The following TBC1D14 variants were observed in gnomAD, a reference collection of about 807,000 sequenced individuals.
TBC1D14 encodes TBC1 domain family, member 14.
A neutral mutation model predicts 79.0 loss-of-function variants in TBC1D14; 26 were observed. That is an observed-to-expected ratio of 0.33 (90% CI 0.24 to 0.46). The LOEUF is 0.46. Ranked by LOEUF, TBC1D14 falls within the 20% of genes least tolerant of loss-of-function variation. TBC1D14 has a pLI of 1.00. For synonymous variants in TBC1D14, 394 were observed against 349.9 expected (o/e 1.13, Z -1.40); for missense variants, 769 against 887.6 (o/e 0.87, Z 1.70).
intron 9 of TBC1D14, among the ~76,000 whole-genome samples, chr4:7,009,395 A>G (rs73090546): frequency 4.8e-4 from 73 of 152,328 alleles, no homozygotes; most frequent in African/African-American, 1.6e-3. Flanking sequence ...GACTTAGAAG[A>G]GTGTATTTCC....
chr4:6,956,902 C>A (rs1212051195), intron 2 of TBC1D14, among the ~76,000 whole-genome samples: 1 of 152,226 alleles, frequency 6.6e-6, no homozygotes, highest in East Asian at 1.9e-4. Context: ...AAGGTGGCCC[C>A]GGGAGTGGGA....
At chr4:6,979,522 G>A (rs1347894961) in intron 3 of TBC1D14, among the ~76,000 whole-genome samples, 1 of 152,132 alleles carries the variant, frequency 6.6e-6, no homozygotes, top group East Asian at 1.9e-4. Flanking sequence ...TCAAGAGACT[G>A]AGGCAGGAGG....
At chr4:7,009,206 CT>C (rs1489544765) in intron 9 of TBC1D14, among the ~76,000 whole-genome samples, 2 of 152,282 alleles carry the variant, frequency 1.3e-5, no homozygotes, top group Non-Finnish European at 2.9e-5. Flanking sequence ...TGAACCTGTC[CT>C]TTTGTTGTAT....
intron 2 of TBC1D14, among the ~76,000 whole-genome samples, chr4:6,935,897 G>C (rs1298846322): frequency 2.0e-5 from 3 of 152,128 alleles, no homozygotes; most frequent in African/African-American, 7.2e-5. Context: ...ACCCACCTCG[G>C]CCTCCCAAAG....
intron 2 of TBC1D14, among the ~76,000 whole-genome samples, chr4:6,932,413 AAGTTAACCAAGC>A (rs1182814989): frequency 6.6e-6 from 1 of 152,006 alleles, no homozygotes; most frequent in Non-Finnish European, 1.5e-5. Context: ...GTCAGTGACA[AAGTTAACCAAGC>A]AGGTACTTGG....
At chr4:6,965,311 C>CT (rs1279262047) in intron 2 of TBC1D14, among the ~76,000 whole-genome samples, 8 of 152,208 alleles carry the variant, frequency 5.3e-5, no homozygotes, top group African/African-American at 1.9e-4. Context: ...GCATGAGCCA[C>CT]TGCACCTGGC....
At chr4:7,012,301 CAAAA>C (rs35439827) in intron 11 of TBC1D14, among the ~76,000 whole-genome samples, 22 of 121,992 alleles carry the variant, frequency 1.8e-4, no homozygotes, top group Non-Finnish European at 2.3e-4. Flanking sequence ...GACCCCATCT[CAAAA>C]AAAAAAAAAA....
intron 1 of TBC1D14, among the ~76,000 whole-genome samples, chr4:6,919,768 G>C (rs1399890848): frequency 6.6e-6 from 1 of 152,142 alleles, no homozygotes; most frequent in East Asian, 1.9e-4. Context: ...TTACAGGCGT[G>C]CGCCACCATG....
intron 1 of TBC1D14, among the ~76,000 whole-genome samples, chr4:6,912,413 TAAA>T (rs1260440182): frequency 6.8e-6 from 1 of 147,082 alleles, no homozygotes; most frequent in African/African-American, 2.7e-5. Flanking sequence ...AATAAAAAAA[TAAA>T]AAATAAATTT....
chr4:6,923,426 G>T lies in TBC1D14; in HGVS notation c.37G>T (p.Val13Leu). The T allele has an allele frequency of 6.2e-7, 1 of 1,613,832 alleles. No homozygotes were observed. Among genetic ancestry groups the T allele is most frequent in the Non-Finnish European group, 8.5e-7 (1 of 1,179,820 alleles). Residue 13 changes from valine (V) to leucine (L), a missense_variant, in exon 2 of 14, where the codon GTA becomes TTA. Physicochemically the swap from Val to Leu is conservative, Grantham distance 32. Around this residue, in one of 2 missense-constraint regions of TBC1D14, gnomAD observed 402 missense variants for 393.2 expected, o/e 1.02. Transcript: ENST00000409757. ...DGKLSTSTNG[V>L]AFMGILDGRP... is the part of the protein sequence containing the mutation. ...AAAACTCTCCACCTCTACAAATGGC[G>T]TAGCCTTCATGGGTATTCTGGATGG...
intron 2 of TBC1D14, among the ~76,000 whole-genome samples, chr4:6,963,784 A>G (rs983289352): frequency 1.3e-5 from 2 of 152,184 alleles, no homozygotes; most frequent in Non-Finnish European, 2.9e-5. Context: ...CTCTTATGTT[A>G]AAAATAATCA....
rs766358876 is a variant in TBC1D14 at position 6,996,369 on chromosome 4, A to G, written c.1007A>G (p.Gln336Arg). The change falls in exon 5 of 14, where the codon CAG (glutamine) becomes CGG (arginine). Residue 336 changes from glutamine to arginine, a missense_variant. Around this residue, in one of 2 missense-constraint regions of TBC1D14, gnomAD observed 367 missense variants for 494.4 expected, o/e 0.74. Coordinates refer to ENST00000409757, the MANE Select transcript of TBC1D14 (RefSeq NM_020773.3). ...KPAEEAQKHRQQYEEMVVQAK... is the reference protein window; with the variant it reads ...KPAEEAQKHRRQYEEMVVQAK... Reference sequence around the variant, plus strand: ...GCTGAAGAAGCTCAGAAGCACAGACAGCAGTATGAAGAAATGGTGGTTCAG... The same window carrying G: ...GCTGAAGAAGCTCAGAAGCACAGACGGCAGTATGAAGAAATGGTGGTTCAG... 6.2e-7 allele frequency: 1 copy of G among 1,613,794 alleles called. No homozygotes were observed. The highest frequency in any genetic ancestry group is 1.3e-5 in the African/African-American group (1 of 74,932).
Position 7,006,635 on chromosome 4 carries a change from C to T in TBC1D14, c.1355C>T (p.Ala452Val), listed in dbSNP as rs1258850422. The T allele has an allele frequency of 1.9e-6, 3 of 1,613,454 alleles. No individual in the cohort carries two copies. The highest frequency in any genetic ancestry group is 1.3e-5 in the African/African-American group (1 of 74,908). ...TATTTTTGGCATCTTTTGACAGATG[C>T]TGGTTTTTCAGCAGCAGACAGAGAA... is the stretch of plus-strand genomic sequence containing the variant. ...TGGSEVENED[A>V]GFSAADREAS... Residue 452 changes from alanine to valine, a missense_variant, in exon 9 of 14, where the codon GCT becomes GTT. Coordinates refer to ENST00000409757, the MANE Select transcript of TBC1D14 (RefSeq NM_020773.3).
chr4:6,927,221 T>C (rs1724361969), intron 2 of TBC1D14, among the ~76,000 whole-genome samples: 1 of 151,992 alleles, frequency 6.6e-6, no homozygotes, highest in Admixed American at 6.6e-5. Context: ...CTTATGGCGC[T>C]CATAGTCTGA....
chr4:7,015,349 G>A (rs1246931571), intron 12 of TBC1D14, among the ~76,000 whole-genome samples: 1 of 152,158 alleles, frequency 6.6e-6, no homozygotes, highest in Non-Finnish European at 1.5e-5. Context: ...AGAGAATCAT[G>A]GTCAGCTCTT....
At chr4:7,008,690 C>A (rs143212858) in intron 9 of TBC1D14, among the ~76,000 whole-genome samples, 11 of 152,194 alleles carry the variant, frequency 7.2e-5, no homozygotes, top group Admixed American at 2.0e-4. Context: ...GGAATACAGG[C>A]GTGAGCCACT....
chr4:6,932,366 G>C (rs1711840203), intron 2 of TBC1D14, among the ~76,000 whole-genome samples: 1 of 87,656 alleles, frequency 1.1e-5, no homozygotes, highest in Non-Finnish European at 2.4e-5. Context: ...GCAAGACTCT[G>C]TCTGGAAATT....
intron 2 of TBC1D14, among the ~76,000 whole-genome samples, chr4:6,933,440 G>T (rs1423054186): frequency 6.6e-6 from 1 of 151,082 alleles, no homozygotes. Context: ...GAACAACTAG[G>T]ATCACAGACG....
chr4:6,920,348 C>T (rs1037818617), intron 1 of TBC1D14, among the ~76,000 whole-genome samples: 2 of 149,666 alleles, frequency 1.3e-5, no homozygotes, highest in Non-Finnish European at 3.0e-5. Context: ...TAGCTCATTG[C>T]TATGAGTCCT....
Sources: gnomAD v4.1 joint callset for allele counts (sites outside exome capture counted in the v4.1 genomes callset) on GRCh38, gnomAD v4.1.1 for gene constraint, gnomAD v4.1.1 regional missense constraint, MANE v1.5 for transcripts, NCBI Gene and HGNC (gene_info 2026-07-23, HGNC 2026-07-21) for gene names.